Variants in RNPS1 observed in about 807,000 individuals in gnomAD.
RNPS1 encodes RNA binding protein with serine rich domain 1.
For missense variants in RNPS1, 300 were observed against 427.6 expected, an observed-to-expected ratio of 0.70 and a Z score of 2.63; for synonymous variants, 147 against 150.0, an observed-to-expected ratio of 0.98 and a Z score of 0.15.
Position 2,254,107 on chromosome 16 carries a change from G to A in RNPS1, c.819-44C>T, listed in dbSNP as rs160549. 0.013 allele frequency: 17,651 copies of A among 1,345,322 alleles called. 1,878 individuals are homozygous for A. In the African/African-American group the frequency reaches 0.23, roughly 18 times the overall value. The allele number at this position is 1,345,322 out of a possible 1,614,324, so 83.3% of individuals were successfully genotyped here. On this transcript the variant is annotated intron_variant, in intron 7 of 7. Coordinates refer to ENST00000320225, the MANE Select transcript of RNPS1 (RefSeq NM_080594.4). The stretch of plus-strand genomic sequence containing the variant: ...CCACATCAGAGTAGCTCAGGCTGTA[G>A]GGGCAAGCTAGCTTCTTTCTGGGCA...
chr16:2,267,188 C>T (rs1363660430), intron 1 of RNPS1: 8 of 985,400 alleles, frequency 8.1e-6, no homozygotes, highest in Non-Finnish European at 9.6e-6. Context: ...AGTTCAGGTA[C>T]CGGCTCAGGA....
chr16:2,263,343 G>A (rs1157322461), intron 3 of RNPS1, 56 bp from the exon 4 acceptor site: 10 of 1,549,764 alleles, frequency 6.5e-6, no homozygotes, highest in Non-Finnish European at 8.9e-6. Context: ...CAGTACAGAC[G>A]CCTCCTCCAA....
At chr16:2,264,059 T>C (rs2093614644) in intron 3 of RNPS1, 117 bp downstream of exon 3, 4 of 1,282,068 alleles carry the variant, frequency 3.1e-6, no homozygotes, top group Non-Finnish European at 4.4e-6. Flanking sequence ...GGGTCTCTAC[T>C]AACAATCAGA....
chr16:2,261,354 C>T (rs1446423056), intron 6 of RNPS1, among the ~76,000 whole-genome samples: 10 of 152,266 alleles, frequency 6.6e-5, no homozygotes, highest in Middle Eastern at 3.4e-3. Context: ...TGCCTCGAAG[C>T]CCCCAGAACA....
rs1036896169 is a variant in RNPS1, at chr16:2,266,068, G to A, written c.-117-1308C>T. 6 of 973,328 alleles carry A rather than the reference G, an allele frequency of 6.2e-6. No homozygotes were observed. In the African/African-American group the frequency reaches 1.1e-4, roughly 17 times the overall value. The allele number at this position is 973,328 out of a possible 1,614,324, so 60.3% of individuals were successfully genotyped here. Reference sequence around the variant, plus strand: ...CTGCACAAGCTGCAGGAGTTGTTAAGTGAAGATCTCAGGAATGGAGTCTCA... The same window carrying A: ...CTGCACAAGCTGCAGGAGTTGTTAAATGAAGATCTCAGGAATGGAGTCTCA... On this transcript the variant is annotated intron_variant, in intron 1 of 7. Coordinates refer to ENST00000320225, the MANE Select transcript of RNPS1 (RefSeq NM_080594.4).
chr16:2,259,127 A>AG (rs1017979472), intron 6 of RNPS1, among the ~76,000 whole-genome samples: 2 of 151,814 alleles, frequency 1.3e-5, no homozygotes, highest in Non-Finnish European at 1.5e-5. Flanking sequence ...AAGTCTCAAA[A>AG]AAAAAAAAAA....
intron 1 of RNPS1, chr16:2,266,460 G>T: frequency 1.0e-6 from 1 of 959,472 alleles, no homozygotes; most frequent in Non-Finnish European, 1.2e-6. Flanking sequence ...AGGTTTTACT[G>T]TGTGATTTTA....
chr16:2,265,859 G>A (rs1412130106), intron 1 of RNPS1: 2 of 152,642 alleles, frequency 1.3e-5, no homozygotes, highest in Non-Finnish European at 2.9e-5. Context: ...TCAAAAATAA[G>A]ATGGAGAAAA....
At chr16:2,262,952 T>C (rs2093609235) in intron 4 of RNPS1, 110 bp from the exon 5 acceptor site, 4 of 1,305,914 alleles carry the variant, frequency 3.1e-6, no homozygotes, top group Non-Finnish European at 4.3e-6. Flanking sequence ...TAAGGAAGAC[T>C]TTCCTGCTAG....
intron 1 of RNPS1, chr16:2,266,709 T>A: frequency 6.1e-6 from 6 of 985,426 alleles, no homozygotes; most frequent in Non-Finnish European, 7.2e-6. Flanking sequence ...GCAGCAGCAC[T>A]GTCCAATAGA....
At chr16:2,254,873 C>T (rs1009515398) in intron 7 of RNPS1, among the ~76,000 whole-genome samples, 4 of 151,390 alleles carry the variant, frequency 2.6e-5, no homozygotes, top group African/African-American at 4.9e-5. Context: ...TCCCGAGTAG[C>T]TGGGACTACA....
At chr16:2,262,645 C>T (rs997484311) in intron 5 of RNPS1, 95 bp downstream of exon 5, 27 of 1,162,060 alleles carry the variant, frequency 2.3e-5, no homozygotes, top group South Asian at 1.6e-4. Flanking sequence ...TGCCACCACC[C>T]CAGTCCTCCA....
chr16:2,253,219 CAAAAG>C lies in RNPS1; in HGVS notation c.*740_*744del, dbSNP rs1412609982. 1 of 152,382 alleles carries C rather than the reference CAAAAG, an allele frequency of 6.6e-6. No individual in the cohort carries two copies. The highest frequency in any genetic ancestry group is 1.5e-5 in the Non-Finnish European group (1 of 68,022). 9.4% of individuals were successfully genotyped at this position (152,382 alleles called of 1,614,324 possible). A position where few individuals can be genotyped will look rare whatever the true frequency, so the allele number is the denominator to read the frequency against. On this transcript the variant is annotated 3_prime_UTR_variant, in exon 8 of 8. Coordinates refer to ENST00000320225, the MANE Select transcript of RNPS1 (RefSeq NM_080594.4). ...TAAAATGCTACAAAGGTATAAAACT[CAAAAG>C]AGAAATTTTATAGTACTGACTGTAC...
chr16:2,257,171 C>T (rs1188514436), intron 6 of RNPS1: 2 of 152,078 alleles, frequency 1.3e-5, no homozygotes, highest in African/African-American at 4.8e-5. Flanking sequence ...AGGTGCAAAC[C>T]CAGGAACCCC....
intron 7 of RNPS1, 67 bp from the exon 8 acceptor site, chr16:2,254,130 G>C: frequency 2.6e-6 from 3 of 1,147,938 alleles, no homozygotes; most frequent in Non-Finnish European, 3.6e-6. Context: ...TTCTTTCTGG[G>C]CAATTCCCCA....
rs1001784591 is a variant in RNPS1, at chr16:2,262,553, GTGT to G, written c.523-125_523-123del. 17 of 1,103,440 alleles carry G rather than the reference GTGT, an allele frequency of 1.5e-5. No homozygotes were observed. In the East Asian group the frequency reaches 1.7e-4, roughly 11 times the overall value. 68.4% of individuals were successfully genotyped at this position (1,103,440 alleles called of 1,614,324 possible). A position where few individuals can be genotyped will look rare whatever the true frequency, so the allele number is the denominator to read the frequency against. On this transcript the variant is annotated intron_variant, in intron 5 of 7. Transcript: ENST00000320225. ...AAAACATTCCATCTGATGAGTACCA[GTGT>G]TGTTCTGGGATAAATCTCCCAGACA...
At chr16:2,259,704 A>G (rs1426957002) in intron 6 of RNPS1, among the ~76,000 whole-genome samples, 3 of 152,142 alleles carry the variant, frequency 2.0e-5, no homozygotes, top group Non-Finnish European at 4.4e-5. Flanking sequence ...CCTGGCTAAC[A>G]GGGTGAAACT....
intron 6 of RNPS1, chr16:2,255,993 C>T (rs111802453): frequency 2.4e-4 from 98 of 413,516 alleles, no homozygotes; most frequent in African/African-American, 1.8e-3. Context: ...TGCGAGGTGG[C>T]GGGCGCCTAT....
chr16:2,256,207 C>T (rs2093577592), intron 6 of RNPS1: 1 of 174,372 alleles, frequency 5.7e-6, no homozygotes, highest in Non-Finnish European at 1.2e-5. Flanking sequence ...ACAGGACACA[C>T]CAATCTCCAC....
Sources: gnomAD v4.1 joint callset for allele counts (sites outside exome capture counted in the v4.1 genomes callset) on GRCh38, gnomAD v4.1.1 for gene constraint, MANE v1.5 for transcripts, NCBI Gene and HGNC (gene_info 2026-07-23, HGNC 2026-07-21) for gene names.